SNTN: variants seen among roughly 807,000 people sequenced by gnomAD.
The protein encoded by SNTN is sentan, cilia apical structure protein.
A neutral mutation model predicts 12.3 loss-of-function variants in SNTN; 13 were observed. That is an observed-to-expected ratio of 1.05 (90% CI 0.69 to 1.67). The LOEUF is 1.67. SNTN is among the 40% of genes most tolerant of loss of function. The pLI is 0.00. For synonymous variants in SNTN, 69 were observed against 58.5 expected (o/e 1.18, Z -0.82); for missense variants, 189 against 169.8 (o/e 1.11, Z -0.63).
In SNTN at chr3:63,663,983, A is replaced by C. The variant is rs758127847; in HGVS notation, c.332A>C (p.Asp111Ala). The change falls in exon 4 of 4, where the codon GAT becomes GCT. Residue 111 changes from aspartate (D) to alanine (A), a missense_variant. Transcript: ENST00000343837. ...TACAGAGAGATCCTTTCTGAACTTGATGAGCACACAGAAAATAAGCTAGAT... is the reference window on the plus strand; with the variant it reads ...TACAGAGAGATCCTTTCTGAACTTGCTGAGCACACAGAAAATAAGCTAGAT... The part of the protein sequence containing the change: ...PKYREILSEL[D>A]EHTENKLDFE... The C allele has an allele frequency of 5.0e-6, 8 of 1,614,030 alleles. No individual in the cohort carries two copies. The highest frequency in any genetic ancestry group is 2.2e-5 in the South Asian group (2 of 91,002).
intron 2 of SNTN, among the ~76,000 whole-genome samples, chr3:63,659,325 T>C (rs1375635294): frequency 1.3e-5 from 2 of 152,198 alleles, no homozygotes; most frequent in Non-Finnish European, 2.9e-5. Context: ...AGAATATAAA[T>C]TCCACAAGAG....
rs757862860 is a variant in SNTN at position 63,663,938 on chromosome 3, G to A, written c.287G>A (p.Gly96Glu). The A allele has an allele frequency of 7.5e-6, 12 of 1,610,114 alleles. No individual in the cohort carries two copies. Among genetic ancestry groups the A allele is most frequent in the Non-Finnish European group, 9.3e-6 (11 of 1,179,000 alleles). The change falls in exon 4 of 4, where the codon GGA becomes GAA. Residue 96 changes from glycine to glutamate, a missense_variant and splice_region_variant. Gly to Glu is a moderately conservative substitution (Grantham distance 98). Coordinates refer to ENST00000343837, the MANE Select transcript of SNTN (RefSeq NM_001080537.2). ...LQTQFRNFAE[G>E]QETKPKYREI... ...GTTTTTATTTCTCCATTCTCACAGG[G>A]ACAAGAAACCAAGCCAAAATACAGA...
intron 2 of SNTN, among the ~76,000 whole-genome samples, chr3:63,655,882 C>T (rs947070205): frequency 6.6e-6 from 1 of 152,266 alleles, no homozygotes; most frequent in East Asian, 1.9e-4. Context: ...GGCCTATGCC[C>T]CAATCTCATG....
rs35060402 is a variant in SNTN at position 63,665,164 on chromosome 3, T to C, written c.*1069T>C. On this transcript the variant is annotated 3_prime_UTR_variant, in exon 4 of 4. Transcript: ENST00000343837. ...AGAACTGCACACTGAAAAGAGTGAA[T>C]TGTACTGTATGTCAATTATACCTAA... Among the ~76,000 whole-genome samples, 18,014 of 152,114 alleles carry C rather than the reference T, an allele frequency of 0.12. 1,242 individuals are homozygous for C. Among genetic ancestry groups the C allele is most frequent in the African/African-American group, 0.19 (7,833 of 41,456 alleles).
At chr3:63,661,988 G>C (rs1450216810) in intron 3 of SNTN, among the ~76,000 whole-genome samples, 1 of 152,158 alleles carries the variant, frequency 6.6e-6, no homozygotes, top group East Asian at 1.9e-4. Context: ...TCAGCCTCAT[G>C]TCTCTCAGTG....
intron 2 of SNTN, 122 bp downstream of exon 2, chr3:63,654,918 C>A: frequency 1.2e-6 from 1 of 852,824 alleles, no homozygotes; most frequent in Non-Finnish European, 1.9e-6. Context: ...TTGAATAAAT[C>A]ATCAAATATT....
chr3:63,664,233 T>A lies in SNTN; in HGVS notation c.*138T>A. ...ATGGTTCTGATTGCTGGTATTCAGA[T>A]CCAATGTAACTCCAAATATTTACCC... On this transcript the variant is annotated 3_prime_UTR_variant, in exon 4 of 4. Coordinates refer to ENST00000343837, the MANE Select transcript of SNTN (RefSeq NM_001080537.2). The A allele has an allele frequency of 7.8e-6, 6 of 764,890 alleles. No homozygotes were observed. Among genetic ancestry groups the A allele is most frequent in the Middle Eastern group, 3.9e-4 (1 of 2,582 alleles). 47.4% of individuals were successfully genotyped at this position (764,890 alleles called of 1,614,324 possible).
chr3:63,657,410 C>T (rs569681507), intron 2 of SNTN, among the ~76,000 whole-genome samples: 12 of 152,208 alleles, frequency 7.9e-5, no homozygotes, highest in Non-Finnish European at 1.8e-4. Flanking sequence ...CCCAACTCTG[C>T]GAGGCAGACA....
In SNTN at chr3:63,664,971, G is replaced by A. The variant is rs1364397430; in HGVS notation, c.*876G>A. 6.6e-6 allele frequency among the ~76,000 whole-genome samples: 1 copy of A among 151,988 alleles called. No homozygotes were observed. The highest frequency in any genetic ancestry group is 1.5e-5 in the Non-Finnish European group (1 of 68,020). ...GGGTTTCGCCATGTCGGCCAGGCTGGTCTCGAACTCCTGACCTCAGGTGAT... is the reference window on the plus strand; with the variant it reads ...GGGTTTCGCCATGTCGGCCAGGCTGATCTCGAACTCCTGACCTCAGGTGAT... On this transcript the variant is annotated 3_prime_UTR_variant, in exon 4 of 4. Transcript: ENST00000343837.
intron 3 of SNTN, chr3:63,663,698 T>G (rs1308360952): frequency 1.6e-6 from 1 of 632,356 alleles, no homozygotes. Flanking sequence ...ATACACCAGC[T>G]CCCCTTCACC....
rs1359430299 is a variant in SNTN at position 63,659,762 on chromosome 3, C to A, written c.183C>A (p.Ala61=). The A allele has an allele frequency of 6.2e-7, 1 of 1,613,950 alleles. No homozygotes were observed. The highest frequency in any genetic ancestry group is 8.5e-7 in the Non-Finnish European group (1 of 1,179,892). The change falls in exon 3 of 4, where the codon GCC becomes GCA. Residue 61 remains alanine, a synonymous_variant. Transcript: ENST00000343837. ...GCTCAGATCTGGAAAAAGCTATTGCCACCACTGCTCTGATTTTCAGAAATT... is the reference window on the plus strand; with the variant it reads ...GCTCAGATCTGGAAAAAGCTATTGCAACCACTGCTCTGATTTTCAGAAATT... ...RKCSDLEKAI[A]TTALIFRNSS... is the part of the protein sequence containing the mutation.
Position 63,663,960 on chromosome 3 carries a change from CA to C in SNTN, c.310del (p.Arg104GlufsTer15). 1 of 1,612,514 alleles carries C rather than the reference CA, an allele frequency of 6.2e-7. No homozygotes were observed. Among genetic ancestry groups the C allele is most frequent in the Non-Finnish European group, 8.5e-7 (1 of 1,179,638 alleles). On this transcript the variant is annotated frameshift_variant, in exon 4 of 4. Coordinates refer to ENST00000343837, the MANE Select transcript of SNTN (RefSeq NM_001080537.2). LOFTEE classifies it high-confidence loss of function. ...AEGQETKPKY[R>X]EILSELDEHT... ...AGGGACAAGAAACCAAGCCAAAATA[CA>C]GAGAGATCCTTTCTGAACTTGATGA...
intron 3 of SNTN, among the ~76,000 whole-genome samples, chr3:63,661,125 T>A (rs935901564): frequency 6.6e-5 from 10 of 152,208 alleles, no homozygotes; most frequent in African/African-American, 2.4e-4. Flanking sequence ...TAGACGACTA[T>A]CAATTCTTAT....
chr3:63,659,520 C>T (rs1700718256), intron 2 of SNTN, among the ~76,000 whole-genome samples: 3 of 152,042 alleles, frequency 2.0e-5, no homozygotes, highest in Admixed American at 2.0e-4. Flanking sequence ...TCTAACTCTA[C>T]TAATTCTAAT....
intron 3 of SNTN, among the ~76,000 whole-genome samples, chr3:63,662,457 G>A (rs1467852524): frequency 6.6e-6 from 1 of 152,220 alleles, no homozygotes; most frequent in Non-Finnish European, 1.5e-5. Flanking sequence ...ATACAAAAAG[G>A]TGACAGGTCA....
chr3:63,664,004 T>A lies in SNTN; in HGVS notation c.353T>A (p.Leu118Gln), dbSNP rs368282502. The change falls in exon 4 of 4, where the codon CTA becomes CAA. Residue 118 changes from leucine (L) to glutamine (Q), a missense_variant. Leu to Gln is a moderately radical substitution (Grantham distance 113). Transcript: ENST00000343837. ...SELDEHTENK[L>Q]DFEDFMILLL... Reference sequence around the variant, plus strand: ...CTTGATGAGCACACAGAAAATAAGCTAGATTTTGAAGACTTCATGATCTTG... The same window carrying A: ...CTTGATGAGCACACAGAAAATAAGCAAGATTTTGAAGACTTCATGATCTTG... 13 of 1,613,900 alleles carry A rather than the reference T, an allele frequency of 8.1e-6. No homozygotes were observed. Among genetic ancestry groups the A allele is most frequent in the Non-Finnish European group, 1.0e-5 (12 of 1,179,962 alleles).
At chr3:63,660,798 G>A (rs1286943321) in intron 3 of SNTN, among the ~76,000 whole-genome samples, 1 of 152,112 alleles carries the variant, frequency 6.6e-6, no homozygotes, top group Non-Finnish European at 1.5e-5. Context: ...ATATTTAAGA[G>A]GAAGACTTAG....
At chr3:63,661,344 T>C (rs1312781021) in intron 3 of SNTN, among the ~76,000 whole-genome samples, 9 of 152,158 alleles carry the variant, frequency 5.9e-5, no homozygotes, top group Non-Finnish European at 1.3e-4. Flanking sequence ...TGTTCTGAAA[T>C]ATTGAAAAGA....
At chr3:63,656,797 G>A (rs1209014750) in intron 2 of SNTN, among the ~76,000 whole-genome samples, 2 of 152,198 alleles carry the variant, frequency 1.3e-5, no homozygotes, top group Non-Finnish European at 2.9e-5. Flanking sequence ...CTGGGAGTTT[G>A]GGAAAGAGTC....
Sources: gnomAD v4.1 joint callset for allele counts (sites outside exome capture counted in the v4.1 genomes callset) on GRCh38, gnomAD v4.1.1 for gene constraint, MANE v1.5 for transcripts, NCBI Gene and HGNC (gene_info 2026-07-23, HGNC 2026-07-21) for gene names.